The following LRRC7 variants were observed in gnomAD, a reference collection of about 807,000 sequenced individuals.
The protein encoded by LRRC7 is leucine-rich repeat-containing protein 7.
Under a neutral mutation model 175.7 loss-of-function variants are expected in LRRC7, and 23 were observed. The observed-to-expected ratio is 0.13, with a 90% CI of 0.09 to 0.19. The LOEUF is 0.19. Ranked by LOEUF, LRRC7 falls within the 10% of genes least tolerant of loss-of-function variation. The pLI is 1.00. For synonymous variants in LRRC7, 685 were observed against 680.9 expected, an observed-to-expected ratio of 1.01 and a Z score of -0.09; for missense variants, 1,354 against 1,904.7, an observed-to-expected ratio of 0.71 and a Z score of 5.38.
intron 8 of LRRC7, among the ~76,000 whole-genome samples, chr1:69,945,094 G>T (rs1649165531): frequency 6.6e-6 from 1 of 152,056 alleles, no homozygotes; most frequent in African/African-American, 2.4e-5. Context: ...ACAACGCCAA[G>T]AAACTTTTTT....
At position 70,143,856 on chromosome 1, in the gene LRRC7, ATG is replaced by A. The variant is rs1667189451; in HGVS notation, c.*21973_*21974del. On this transcript the variant is annotated 3_prime_UTR_variant, in exon 27 of 27. Transcript: ENST00000651989. ...ATATATAAAAAATTGTCATTTTTGT[ATG>A]TGTTAAAAAGACTACTATATCACAA... The A allele has an allele frequency of 6.6e-6, 1 of 152,138 alleles. No individual in the cohort carries two copies. The highest frequency in any genetic ancestry group is 2.1e-4 in the South Asian group (1 of 4,830). 9.4% of individuals were successfully genotyped at this position (152,138 alleles called of 1,614,324 possible). A position where few individuals can be genotyped will look rare whatever the true frequency, so the allele number is the denominator to read the frequency against.
intron 1 of LRRC7, among the ~76,000 whole-genome samples, chr1:69,609,035 A>G (rs1463800468): frequency 6.6e-6 from 1 of 151,444 alleles, no homozygotes; most frequent in African/African-American, 2.4e-5. Context: ...TGGAAAAAAA[A>G]TGTCCAGATA....
At chr1:69,929,433 T>C (rs1213645383) in intron 7 of LRRC7, among the ~76,000 whole-genome samples, 1 of 152,204 alleles carries the variant, frequency 6.6e-6, no homozygotes, top group Admixed American at 6.5e-5. Flanking sequence ...TCCATCCTTC[T>C]AGTTGTTCAG....
At chr1:69,787,112 G>A (rs1204886092) in intron 3 of LRRC7, among the ~76,000 whole-genome samples, 3 of 152,210 alleles carry the variant, frequency 2.0e-5, no homozygotes, top group Non-Finnish European at 4.4e-5. Context: ...CCCCGTGCAA[G>A]TCCAAAATCT....
intron 17 of LRRC7, among the ~76,000 whole-genome samples, 184 bp from the exon 18 acceptor site, chr1:70,027,987 G>A (rs1658303024): frequency 6.6e-6 from 1 of 152,098 alleles, no homozygotes; most frequent in Non-Finnish European, 1.5e-5. Flanking sequence ...GTGGGAAGGG[G>A]TGAGAAGTCC....
At chr1:70,121,309 C>G (rs757000179) in intron 26 of LRRC7, among the ~76,000 whole-genome samples, 1 of 151,990 alleles carries the variant, frequency 6.6e-6, no homozygotes, top group Admixed American at 6.6e-5. Flanking sequence ...CAAGAACTTT[C>G]CAGTGAGTCA....
intron 4 of LRRC7, among the ~76,000 whole-genome samples, chr1:69,799,639 T>G (rs184703242): frequency 6.6e-6 from 1 of 152,110 alleles, no homozygotes; most frequent in Non-Finnish European, 1.5e-5. Context: ...TGATTTCAAA[T>G]TTTGCTATAG....
chr1:70,085,239 AT>A (rs1663519050), intron 24 of LRRC7, among the ~76,000 whole-genome samples: 1 of 152,068 alleles, frequency 6.6e-6, no homozygotes, highest in Non-Finnish European at 1.5e-5. Context: ...CTCCTTTTGT[AT>A]TTTCATCAAA....
intron 11 of LRRC7, among the ~76,000 whole-genome samples, chr1:70,004,157 G>A (rs1655787911): frequency 1.3e-5 from 2 of 152,134 alleles, no homozygotes; most frequent in Non-Finnish European, 2.9e-5. Flanking sequence ...AAATCTAGAT[G>A]ATTTTGTTTC....
At chr1:69,615,721 G>A (rs959997329) in intron 1 of LRRC7, among the ~76,000 whole-genome samples, 18 of 151,982 alleles carry the variant, frequency 1.2e-4, no homozygotes, top group South Asian at 6.2e-4. Flanking sequence ...GGGTTCAAAA[G>A]ATTCAATTGT....
intron 2 of LRRC7, among the ~76,000 whole-genome samples, chr1:69,742,422 T>G (rs989874269): frequency 9.9e-5 from 15 of 151,744 alleles, no homozygotes; most frequent in Admixed American, 1.3e-4. Context: ...GTGGCAAACA[T>G]TTTATGAGTA....
At chr1:69,682,241 G>A (rs1471991636) in intron 2 of LRRC7, among the ~76,000 whole-genome samples, 1 of 152,018 alleles carries the variant, frequency 6.6e-6, no homozygotes, top group Non-Finnish European at 1.5e-5. Context: ...ATTAAGTCAG[G>A]CACACCCAAG....
chr1:69,790,048 C>G (rs1349229042), intron 3 of LRRC7, among the ~76,000 whole-genome samples: 2 of 152,036 alleles, frequency 1.3e-5, no homozygotes, highest in Non-Finnish European at 2.9e-5. Flanking sequence ...TTACTCCTGA[C>G]TGCAGGGTGC....
At chr1:69,808,416 C>A (rs929966673) in intron 4 of LRRC7, among the ~76,000 whole-genome samples, 5 of 151,904 alleles carry the variant, frequency 3.3e-5, no homozygotes, top group Non-Finnish European at 5.9e-5. Flanking sequence ...GCGCACCTAA[C>A]AGACATCTAC....
At chr1:69,826,570 T>C (rs1303639081) in intron 5 of LRRC7, among the ~76,000 whole-genome samples, 1 of 152,148 alleles carries the variant, frequency 6.6e-6, no homozygotes, top group Non-Finnish European at 1.5e-5. Context: ...AAATAAAATC[T>C]AGAGAGGCTC....
intron 7 of LRRC7, among the ~76,000 whole-genome samples, chr1:69,922,848 A>G (rs769813522): frequency 6.6e-6 from 1 of 151,692 alleles, no homozygotes; most frequent in Non-Finnish European, 1.5e-5. Flanking sequence ...TTTAGGGTAC[A>G]TGTTCACAAT....
chr1:69,757,484 G>A (rs1339443977), intron 2 of LRRC7, among the ~76,000 whole-genome samples: 1 of 151,940 alleles, frequency 6.6e-6, no homozygotes, highest in Non-Finnish European at 1.5e-5. Flanking sequence ...GGAGCAGAGG[G>A]GAGAGAAGAA....
At chr1:69,904,046 T>G (rs1032270114) in intron 7 of LRRC7, among the ~76,000 whole-genome samples, 1 of 152,172 alleles carries the variant, frequency 6.6e-6, no homozygotes, top group Admixed American at 6.5e-5. Context: ...CAGGACTAGA[T>G]AGATTCACAG....
intron 2 of LRRC7, among the ~76,000 whole-genome samples, chr1:69,717,468 G>C (rs1368518647): frequency 6.6e-6 from 1 of 151,550 alleles, no homozygotes; most frequent in Non-Finnish European, 1.5e-5. Flanking sequence ...TACTAAGCAA[G>C]GACTCAATAG....
Sources: allele counts gnomAD v4.1 joint callset (sites outside exome capture counted in the v4.1 genomes callset), GRCh38; gene constraint gnomAD v4.1.1; transcripts MANE v1.5; gene names NCBI Gene and HGNC (gene_info 2026-07-23, HGNC 2026-07-21).